The following SNX32 variants were observed in gnomAD, a reference collection of about 807,000 sequenced individuals.
SNX32 encodes the protein sorting nexin 32.
In SNX32, 58 loss-of-function variants were observed where a neutral mutation model predicts 57.0. The observed-to-expected ratio is 1.02, with a 90% CI of 0.82 to 1.27. SNX32 has a LOEUF of 1.27. SNX32 is among the 50% of genes most tolerant of loss of function. The pLI is 0.00. For synonymous variants in SNX32, 262 were observed against 220.4 expected (o/e 1.19, Z -1.67); for missense variants, 589 against 541.2 (o/e 1.09, Z -0.88).
intron 12 of SNX32, 58 bp downstream of exon 12, chr11:65,853,016 C>A (rs907446662): frequency 3.2e-6 from 5 of 1,568,170 alleles, no homozygotes; most frequent in Non-Finnish European, 4.4e-6. Flanking sequence ...ACCTCCCTCC[C>A]TCCCCCAGGC....
intron 1 of SNX32, among the ~76,000 whole-genome samples, chr11:65,844,186 GA>G (rs1050187336): frequency 6.6e-6 from 1 of 151,608 alleles, no homozygotes; most frequent in East Asian, 1.9e-4. Context: ...AAATGATTCT[GA>G]AAAAAAAGAA....
intron 1 of SNX32, among the ~76,000 whole-genome samples, chr11:65,843,001 G>A (rs1448778483): frequency 6.9e-6 from 1 of 145,728 alleles, no homozygotes; most frequent in Non-Finnish European, 1.5e-5. Flanking sequence ...GAGACCGGGG[G>A]ATCATGAGGT....
chr11:65,841,715 C>T (rs1370930219), intron 1 of SNX32, among the ~76,000 whole-genome samples: 1 of 151,120 alleles, frequency 6.6e-6, no homozygotes, highest in African/African-American at 2.4e-5. Flanking sequence ...GCCTGGGCAA[C>T]AAGAACAAGA....
chr11:65,852,804 C>T lies in SNX32; in HGVS notation c.1072+15C>T, dbSNP rs1591042193. On this transcript the variant is annotated intron_variant, in intron 11 of 12. Coordinates refer to ENST00000308342, the MANE Select transcript of SNX32 (RefSeq NM_152760.3). Reference sequence around the variant, plus strand: ...CGCCAAGCAAGGTGAGCCCGCAGCCCCCAGCCCCAGCCTGGGGCCACATGC... The same window carrying T: ...CGCCAAGCAAGGTGAGCCCGCAGCCTCCAGCCCCAGCCTGGGGCCACATGC... 4 of 1,610,790 alleles carry T rather than the reference C, an allele frequency of 2.5e-6. No individual in the cohort carries two copies. The highest frequency in any genetic ancestry group is 2.7e-5 in the African/African-American group (2 of 74,854).
intron 3 of SNX32, 37 bp downstream of exon 3, chr11:65,850,067 C>A: frequency 6.2e-7 from 1 of 1,614,098 alleles, no homozygotes; most frequent in South Asian, 1.1e-5. Flanking sequence ...GAGGGACAGG[C>A]AGAGCACTTG....
At chr11:65,836,097 A>AC (rs1448527408) in intron 1 of SNX32, among the ~76,000 whole-genome samples, 2 of 151,702 alleles carry the variant, frequency 1.3e-5, no homozygotes, top group African/African-American at 4.8e-5. Flanking sequence ...AGATGGATGC[A>AC]CCCCCCAGCC....
chr11:65,852,395 A>G, intron 9 of SNX32, 70 bp from the exon 10 acceptor site: 1 of 1,330,830 alleles, frequency 7.5e-7, no homozygotes, highest in Non-Finnish European at 1.1e-6. Flanking sequence ...ATTTAGATGA[A>G]GAGGTGCCTC....
chr11:65,839,153 A>G (rs1390327078), intron 1 of SNX32, among the ~76,000 whole-genome samples: 1 of 149,140 alleles, frequency 6.7e-6, no homozygotes, highest in Non-Finnish European at 1.5e-5. Context: ...GGTTTAAGCA[A>G]TTCTCCTGCC....
intron 1 of SNX32, among the ~76,000 whole-genome samples, chr11:65,843,649 T>C (rs968508479): frequency 6.6e-6 from 1 of 152,114 alleles, no homozygotes; most frequent in South Asian, 2.1e-4. Flanking sequence ...GAAAAATAAA[T>C]AGAATATCTT....
intron 9 of SNX32, among the ~76,000 whole-genome samples, chr11:65,851,996 T>A (rs533637673): frequency 5.3e-5 from 8 of 151,994 alleles, no homozygotes; most frequent in Admixed American, 5.2e-4. Context: ...CGGGCACACA[T>A]GTTCCCCACT....
In SNX32 at chr11:65,852,725, C is replaced by A. The variant is rs760369292; in HGVS notation, c.1008C>A (p.Pro336=). The A allele has an allele frequency of 1.9e-6, 3 of 1,603,550 alleles. No individual in the cohort carries two copies. The highest frequency in any genetic ancestry group is 1.7e-6 in the Non-Finnish European group (2 of 1,178,012). ...KARTRNREVR[P]AESHQQLCCQ... is the part of the protein sequence containing the mutation. ...GCACCAGGAACCGGGAGGTGCGGCC[C>A]GCCGAGAGCCACCAGCAGCTGTGCT... is the stretch of plus-strand genomic sequence containing the variant. Residue 336 remains proline, a synonymous_variant, in exon 11 of 13, where the codon CCC becomes CCA. Transcript: ENST00000308342.
chr11:65,841,282 G>A (rs1237163170), intron 1 of SNX32, among the ~76,000 whole-genome samples: 1 of 151,404 alleles, frequency 6.6e-6, no homozygotes, highest in African/African-American at 2.4e-5. Flanking sequence ...AGGCTGGAGT[G>A]CAGTGGTATG....
chr11:65,839,225 ATTTTTTTTT>A (rs1168882508), intron 1 of SNX32, among the ~76,000 whole-genome samples: 1 of 27,622 alleles, frequency 3.6e-5, no homozygotes, highest in Admixed American at 7.4e-4. Flanking sequence ...ATTTTTTTGT[ATTTTTTTTT>A]TTTTTTTTTT....
intron 9 of SNX32, among the ~76,000 whole-genome samples, chr11:65,852,167 C>T (rs1859219713): frequency 6.6e-6 from 1 of 152,206 alleles, no homozygotes; most frequent in African/African-American, 2.4e-5. Context: ...CACTGCCTCC[C>T]TCCCCTGCTT....
intron 1 of SNX32, among the ~76,000 whole-genome samples, chr11:65,835,258 A>G (rs573291201): frequency 3.1e-4 from 45 of 144,062 alleles, no homozygotes; most frequent in African/African-American, 1.0e-3. Flanking sequence ...GTCCTTACAG[A>G]TGGAAAGGGA....
At chr11:65,838,801 C>G (rs1485654142) in intron 1 of SNX32, among the ~76,000 whole-genome samples, 2 of 151,770 alleles carry the variant, frequency 1.3e-5, no homozygotes, top group Non-Finnish European at 2.9e-5. Context: ...AATGTGGAAT[C>G]AAAACAAAAA....
At chr11:65,848,359 GC>G (rs982407255) in intron 1 of SNX32, among the ~76,000 whole-genome samples, 9 of 151,388 alleles carry the variant, frequency 5.9e-5, no homozygotes, top group Non-Finnish European at 1.3e-4. Flanking sequence ...GATTGCTTGA[GC>G]CCAGGAGTTT....
Position 65,850,857 on chromosome 11 carries a change from T to TA in SNX32, c.603+4dup. ...ATCACGGGCATGTCAGGGCTCAAGG[T>TA]AACCCCTGGTGCTCCTCTCCGGATT... On this transcript the variant is annotated splice_region_variant and intron_variant, in intron 6 of 12. Transcript: ENST00000308342. 2 of 1,611,920 alleles carry TA rather than the reference T, an allele frequency of 1.2e-6. No homozygotes were observed. Among genetic ancestry groups the TA allele is most frequent in the Non-Finnish European group, 8.5e-7 (1 of 1,178,478 alleles).
intron 6 of SNX32, 42 bp from the exon 7 acceptor site, chr11:65,851,013 G>C (rs760449088): frequency 1.3e-6 from 2 of 1,571,246 alleles, no homozygotes; most frequent in Non-Finnish European, 1.8e-6. Flanking sequence ...GTCAAGCCCC[G>C]TGGTGACCCA....
Sources: allele counts gnomAD v4.1 joint callset (sites outside exome capture counted in the v4.1 genomes callset), GRCh38; gene constraint gnomAD v4.1.1; transcripts MANE v1.5; gene names NCBI Gene and HGNC (gene_info 2026-07-23, HGNC 2026-07-21).